The following ZYG11B variants were observed in gnomAD, a reference collection of about 807,000 sequenced individuals.
ZYG11B encodes protein zyg-11 homolog B.
Under a neutral mutation model 82.4 loss-of-function variants are expected in ZYG11B, and 36 were observed. The observed-to-expected ratio is 0.44, with a 90% CI of 0.33 to 0.58. The LOEUF (loss-of-function observed/expected upper bound fraction) is 0.58. Among genes scored for constraint, ZYG11B ranks in the 20% least tolerant of loss-of-function variants. ZYG11B has a pLI of 0.02. For synonymous variants in ZYG11B, 303 were observed against 312.8 expected, an observed-to-expected ratio of 0.97 and a Z score of 0.33; for missense variants, 552 against 895.6, an observed-to-expected ratio of 0.62 and a Z score of 4.90.
rs776057137 is a variant in ZYG11B at position 52,771,759 on chromosome 1, C to T, written c.936C>T (p.Gly312=). The T allele has an allele frequency of 1.1e-5, 17 of 1,608,598 alleles. No homozygotes were observed. Among genetic ancestry groups the T allele is most frequent in the African/African-American group, 2.7e-5 (2 of 74,690 alleles). ...CTGGTTACTCTGAATTCCTCACAGG[C>T]GAAGGACATTTGAAGGTTAGACTTT... The part of the protein sequence containing the change: ...TDAGYSEFLT[G]EGHLKVSGEA... Residue 312 remains glycine, a synonymous_variant, in exon 3 of 14, where the codon GGC becomes GGT. Coordinates refer to ENST00000294353, the MANE Select transcript of ZYG11B (RefSeq NM_024646.3). The surrounding 1 kb of genome is among the most constrained non-coding windows in gnomAD (Gnocchi z 5.4).
chr1:52,818,826 C>T (rs1645256707), intron 13 of ZYG11B, among the ~76,000 whole-genome samples: 1 of 148,346 alleles, frequency 6.7e-6, no homozygotes, highest in South Asian at 2.2e-4. Flanking sequence ...CGGAGTCTCA[C>T]TCTGTTGCCC....
rs138175399 is a variant in ZYG11B, at chr1:52,771,273, C to G, written c.450C>G (p.Leu150=). ...TGCTGAATTCATTAACTCTCTCCCT[C>G]GAGGATCCTTACGAGCGCTGCTTCA... ...CLVLNSLTLS[L]EDPYERCFSR... The change falls in exon 3 of 14, where the codon CTC becomes CTG. Residue 150 remains leucine, a synonymous_variant. Transcript: ENST00000294353. This position sits in a 1 kb window ranked among gnomAD's most constrained non-coding sequence, Gnocchi z 5.4. 2.5e-6 allele frequency: 4 copies of G among 1,614,224 alleles called. No homozygotes were observed. The highest frequency in any genetic ancestry group is 1.1e-5 in the South Asian group (1 of 91,080).
chr1:52,799,079 A>G (rs1206976490), intron 8 of ZYG11B, among the ~76,000 whole-genome samples: 2 of 152,174 alleles, frequency 1.3e-5, no homozygotes, highest in Non-Finnish European at 2.9e-5. Context: ...TTATGTAATT[A>G]TAATTCACAC....
In ZYG11B at chr1:52,756,509, A is replaced by G. The variant is rs771601397; in HGVS notation, c.82A>G (p.Thr28Ala). ...LLDICLNFLTTHLEKFCSARQ... is the reference protein window; with the variant it reads ...LLDICLNFLTAHLEKFCSARQ... ...TGATATCTGCTTGAATTTCTTGACT[A>G]CTCACCTTGAGAAGTTCTGTTCAGC... The change falls in exon 2 of 14, where the codon ACT becomes GCT. Residue 28 changes from threonine to alanine, a missense_variant. This residue lies in a region of ZYG11B where 359 missense variants were observed against 555.8 expected (regional missense o/e 0.65). Coordinates refer to ENST00000294353, the MANE Select transcript of ZYG11B (RefSeq NM_024646.3). 50 of 1,613,540 alleles carry G rather than the reference A, an allele frequency of 3.1e-5. No individual in the cohort carries two copies. The highest frequency in any genetic ancestry group is 3.6e-5 in the Non-Finnish European group (42 of 1,179,890).
At position 52,772,515 on chromosome 1, in the gene ZYG11B, A is replaced by T. The variant is rs764603551; in HGVS notation, c.951+741A>T. The T allele has an allele frequency of 4.8e-4, 771 of 1,607,940 alleles. 6 individuals carry two copies. The highest frequency in any genetic ancestry group is 6.2e-4 in the Admixed American group (37 of 59,980). On this transcript the variant is annotated intron_variant, in intron 3 of 13. Transcript: ENST00000294353. ...GATTACACCGATCTGTGAAGGAGTA[A>T]GGCCCTTCTTGGCCAGTTTGTAAAT...
chr1:52,762,722 C>A (rs572966747), intron 2 of ZYG11B, among the ~76,000 whole-genome samples: 43 of 152,032 alleles, frequency 2.8e-4, no homozygotes, highest in African/African-American at 9.2e-4. Flanking sequence ...CTGGGAGTTA[C>A]AGGTGCCCGC....
intron 3 of ZYG11B, among the ~76,000 whole-genome samples, chr1:52,778,601 G>A (rs1644828667): frequency 6.6e-6 from 1 of 152,098 alleles, no homozygotes; most frequent in South Asian, 2.1e-4. Flanking sequence ...TTTCTGTGAT[G>A]TTAGCAGTTA....
chr1:52,760,760 CTTTTTTTT>C (rs35437248), intron 2 of ZYG11B, among the ~76,000 whole-genome samples: 2 of 104,670 alleles, frequency 1.9e-5, no homozygotes, highest in African/African-American at 8.8e-5. Context: ...GCCTGGCCTA[CTTTTTTTT>C]TTTTTTTTTT....
chr1:52,743,480 C>T (rs975082750), intron 1 of ZYG11B, among the ~76,000 whole-genome samples: 1 of 145,356 alleles, frequency 6.9e-6, no homozygotes, highest in Non-Finnish European at 1.5e-5. Context: ...TAATTTATTA[C>T]TGAAGAAAGA....
intron 2 of ZYG11B, among the ~76,000 whole-genome samples, chr1:52,761,355 C>T (rs2149932727): frequency 6.6e-6 from 1 of 152,314 alleles, no homozygotes; most frequent in South Asian, 2.1e-4. Flanking sequence ...CTCTACAAGT[C>T]TCCAGCCTCT....
At chr1:52,799,567 A>T (rs1645058053) in intron 8 of ZYG11B, among the ~76,000 whole-genome samples, 1 of 151,494 alleles carries the variant, frequency 6.6e-6, no homozygotes, top group Non-Finnish European at 1.5e-5. Flanking sequence ...AGGTGGGCGG[A>T]TCACGAGGTC....
chr1:52,783,809 C>CAT (rs1644878788), intron 4 of ZYG11B, among the ~76,000 whole-genome samples: 1 of 129,582 alleles, frequency 7.7e-6, no homozygotes, highest in Non-Finnish European at 1.6e-5. Flanking sequence ...TATATATACA[C>CAT]ACACACGTAT....
intron 3 of ZYG11B, among the ~76,000 whole-genome samples, chr1:52,777,628 G>A (rs752792546): frequency 3.3e-5 from 5 of 151,986 alleles, no homozygotes; most frequent in Non-Finnish European, 5.9e-5. Context: ...CTTTTATAGA[G>A]ACAGGGTCTT....
chr1:52,786,025 C>T (rs1009902105), intron 5 of ZYG11B, among the ~76,000 whole-genome samples: 4 of 151,940 alleles, frequency 2.6e-5, no homozygotes, highest in African/African-American at 7.3e-5. Flanking sequence ...AATAAGTCTG[C>T]CTATGTTAGA....
At chr1:52,726,833 TG>T (rs1644288372) in intron 1 of ZYG11B, 150 bp downstream of exon 1, 1 of 714,724 alleles carries the variant, frequency 1.4e-6, no homozygotes, top group South Asian at 2.9e-5. Context: ...GCCCCCTCGG[TG>T]TTCAGCTCCT....
At chr1:52,808,880 C>G (rs1334952843) in intron 10 of ZYG11B, among the ~76,000 whole-genome samples, 1 of 152,150 alleles carries the variant, frequency 6.6e-6, no homozygotes, top group Non-Finnish European at 1.5e-5. Flanking sequence ...ATCTAATCTG[C>G]TACAATGCCA....
At chr1:52,815,241 C>G (rs1033948608) in intron 12 of ZYG11B, among the ~76,000 whole-genome samples, 4 of 152,088 alleles carry the variant, frequency 2.6e-5, no homozygotes, top group Admixed American at 2.0e-4. Flanking sequence ...GTGGCTCACA[C>G]CTATAATCCC....
intron 1 of ZYG11B, among the ~76,000 whole-genome samples, chr1:52,752,253 T>C (rs1420999551): frequency 6.6e-6 from 1 of 152,080 alleles, no homozygotes; most frequent in African/African-American, 2.4e-5. Context: ...TTTTACTTAC[T>C]TTAATACAAA....
At chr1:52,753,232 A>G (rs1404060151) in intron 1 of ZYG11B, among the ~76,000 whole-genome samples, 1 of 152,162 alleles carries the variant, frequency 6.6e-6, no homozygotes, top group Non-Finnish European at 1.5e-5. Context: ...ATTTCTGGGT[A>G]TATACTTAGG....
Sources: gnomAD v4.1 joint callset for allele counts (sites outside exome capture counted in the v4.1 genomes callset) on GRCh38, gnomAD v4.1.1 for gene constraint, gnomAD v4.1.1 regional missense constraint, Gnocchi (gnomAD v3.1) non-coding constraint, MANE v1.5 for transcripts, NCBI Gene and HGNC (gene_info 2026-07-23, HGNC 2026-07-21) for gene names.